Variants in SPAG16 observed in about 807,000 individuals in gnomAD.
The protein encoded by SPAG16 is sperm associated antigen 16.
A neutral mutation model predicts 80.4 loss-of-function variants in SPAG16; 86 were observed. The ratio of observed to expected loss-of-function variants is 1.07; its 90% CI spans 0.90 to 1.28. The LOEUF is 1.28. Ranked by LOEUF, SPAG16 falls within the 50% of genes most tolerant of loss-of-function variation. The pLI is 0.00. For synonymous variants in SPAG16, 294 were observed against 265.9 expected (o/e 1.11, Z -1.03); for missense variants, 870 against 765.3 (o/e 1.14, Z -1.61).
chr2:214,115,472 A>G (rs531665876), intron 14 of SPAG16, among the ~76,000 whole-genome samples: 1 of 152,344 alleles, frequency 6.6e-6, no homozygotes, highest in East Asian at 1.9e-4. Context: ...TTTGGGGAAA[A>G]TTCTACAATT....
At chr2:214,105,776 G>A (rs1361851836) in intron 13 of SPAG16, among the ~76,000 whole-genome samples, 1 of 152,154 alleles carries the variant, frequency 6.6e-6, no homozygotes, top group Non-Finnish European at 1.5e-5. Flanking sequence ...GATTAAGGCT[G>A]TTTGCAGACT....
chr2:213,331,176 G>A (rs1325441757), intron 5 of SPAG16, among the ~76,000 whole-genome samples: 2 of 152,054 alleles, frequency 1.3e-5, no homozygotes, highest in South Asian at 2.1e-4. Context: ...TTCCCCAGGG[G>A]CCTCAGAAGT....
chr2:214,350,598 T>C (rs1407136576), intron 15 of SPAG16, among the ~76,000 whole-genome samples: 1 of 152,068 alleles, frequency 6.6e-6, no homozygotes, highest in East Asian at 1.9e-4. Flanking sequence ...GAAGCCTGAG[T>C]TGGGAGTGAG....
chr2:213,787,566 CTTTAT>C (rs1362785895), intron 10 of SPAG16, among the ~76,000 whole-genome samples: 1 of 151,938 alleles, frequency 6.6e-6, no homozygotes, highest in African/African-American at 2.4e-5. Context: ...GTCATGTGCC[CTTTAT>C]TTTATGGGCA....
intron 10 of SPAG16, among the ~76,000 whole-genome samples, chr2:213,643,606 T>A (rs1383731240): frequency 6.7e-6 from 1 of 149,780 alleles, no homozygotes; most frequent in Non-Finnish European, 1.5e-5. Context: ...TCTACCCCTA[T>A]CTCTTTTTCT....
chr2:213,923,235 A>G (rs1278204490), intron 11 of SPAG16, among the ~76,000 whole-genome samples: 2 of 152,096 alleles, frequency 1.3e-5, no homozygotes, highest in Non-Finnish European at 2.9e-5. Context: ...GCTTCCTAGG[A>G]CAATAGGAGT....
intron 9 of SPAG16, among the ~76,000 whole-genome samples, chr2:213,479,459 T>C (rs1287186916): frequency 1.3e-5 from 2 of 152,040 alleles, no homozygotes; most frequent in African/African-American, 4.8e-5. Context: ...GAGATCTTTT[T>C]GTTTGTGTGT....
rs1162158389 is a variant in SPAG16 at position 213,991,884 on chromosome 2, T to TTTAC, written c.1401-22064_1401-22063insCTTA. 5.5e-3 allele frequency among the ~76,000 whole-genome samples: 834 copies of TTTAC among 151,386 alleles called. 7 individuals are homozygous for TTTAC. Among genetic ancestry groups the TTTAC allele is most frequent in the African/African-American group, 0.019 (801 of 41,294 alleles). ...GTTTATTTATTTATTTATTTATTTA[T>TTTAC]TTATTTATTCTTGTTTCAGTGATTC... On this transcript the variant is annotated intron_variant, in intron 12 of 15. Coordinates refer to ENST00000331683, the MANE Select transcript of SPAG16 (RefSeq NM_024532.5).
chr2:214,311,932 A>G (rs1319898573), intron 15 of SPAG16, among the ~76,000 whole-genome samples: 1 of 152,192 alleles, frequency 6.6e-6, no homozygotes, highest in Non-Finnish European at 1.5e-5. Flanking sequence ...CCACCCTCAT[A>G]CACCCTTACT....
chr2:214,117,224 C>T (rs1296046314), intron 14 of SPAG16, among the ~76,000 whole-genome samples: 2 of 151,900 alleles, frequency 1.3e-5, no homozygotes. Context: ...AAATAAAAGA[C>T]ACAGTGGAGA....
At chr2:214,249,248 CAAAGT>C (rs916406485) in intron 15 of SPAG16, among the ~76,000 whole-genome samples, 1 of 152,142 alleles carries the variant, frequency 6.6e-6, no homozygotes, top group Admixed American at 6.6e-5. Flanking sequence ...GGCCAGTAAA[CAAAGT>C]AGAGTTATTT....
At chr2:213,881,334 A>AG (rs1390942752) in intron 11 of SPAG16, among the ~76,000 whole-genome samples, 5 of 152,164 alleles carry the variant, frequency 3.3e-5, no homozygotes, top group African/African-American at 1.2e-4. Flanking sequence ...ACCTTACTAA[A>AG]GTTGTTTTAT....
intron 15 of SPAG16, among the ~76,000 whole-genome samples, chr2:214,387,902 C>T (rs1027517385): frequency 6.6e-6 from 1 of 152,086 alleles, no homozygotes; most frequent in African/African-American, 2.4e-5. Flanking sequence ...ATGAGAACTA[C>T]AATTCAAGAT....
At chr2:213,323,661 C>A (rs2063723675) in intron 5 of SPAG16, among the ~76,000 whole-genome samples, 1 of 152,144 alleles carries the variant, frequency 6.6e-6, no homozygotes, top group African/African-American at 2.4e-5. Flanking sequence ...GGATCTGAGG[C>A]AGATATTAGC....
intron 9 of SPAG16, among the ~76,000 whole-genome samples, chr2:213,474,031 G>A (rs2073239465): frequency 6.6e-6 from 1 of 152,192 alleles, no homozygotes; most frequent in South Asian, 2.1e-4. Flanking sequence ...TCAGACAAAG[G>A]TGGAAAGGCT....
At chr2:213,966,510 A>G (rs977609920) in intron 12 of SPAG16, among the ~76,000 whole-genome samples, 1 of 152,166 alleles carries the variant, frequency 6.6e-6, no homozygotes. Flanking sequence ...TAATACAAAC[A>G]TTGCTGATGA....
intron 12 of SPAG16, among the ~76,000 whole-genome samples, chr2:213,957,220 T>C (rs572718173): frequency 2.5e-4 from 38 of 152,294 alleles, no homozygotes; most frequent in African/African-American, 8.2e-4. Flanking sequence ...TGCAGGACAC[T>C]GAAGTCTCCA....
At chr2:213,739,910 T>C (rs1199202950) in intron 10 of SPAG16, among the ~76,000 whole-genome samples, 1 of 152,238 alleles carries the variant, frequency 6.6e-6, no homozygotes, top group East Asian at 1.9e-4. Flanking sequence ...CCAAAATCTC[T>C]GCATATCCTT....
chr2:214,069,251 G>A (rs1385733377), intron 13 of SPAG16, among the ~76,000 whole-genome samples: 1 of 152,058 alleles, frequency 6.6e-6, no homozygotes, highest in Non-Finnish European at 1.5e-5. Flanking sequence ...ATTTCTTTGA[G>A]GCCATTGAAA....
Sources: allele counts gnomAD v4.1 joint callset (sites outside exome capture counted in the v4.1 genomes callset), GRCh38; gene constraint gnomAD v4.1.1; transcripts MANE v1.5; gene names NCBI Gene and HGNC (gene_info 2026-07-23, HGNC 2026-07-21).